Variants in RTN4RL2 observed in about 807,000 individuals in gnomAD.
RTN4RL2 encodes the protein reticulon-4 receptor-like 2.
RTN4RL2 carries 9 observed loss-of-function variants against 27.8 expected under a neutral mutation model. The observed-to-expected ratio is 0.32, with a 90% CI of 0.20 to 0.57. The LOEUF (loss-of-function observed/expected upper bound fraction) is 0.57, where lower values mean the gene tolerates loss of function less well. Ranked by LOEUF, RTN4RL2 falls within the 20% of genes least tolerant of loss-of-function variation. The pLI, the probability that RTN4RL2 is intolerant of heterozygous loss-of-function variation, is 0.90. For missense variants in RTN4RL2, 436 were observed against 596.8 expected (o/e 0.73, Z 2.81); for synonymous variants, 285 against 297.9 (o/e 0.96, Z 0.45).
chr11:57,465,222 G>A (rs916967632), intron 1 of RTN4RL2, among the ~76,000 whole-genome samples: 4 of 152,214 alleles, frequency 2.6e-5, no homozygotes, highest in East Asian at 1.9e-4. Context: ...AGTCCCATGC[G>A]TGCACACCTG....
At chr11:57,463,966 G>A (rs1056572879) in intron 1 of RTN4RL2, among the ~76,000 whole-genome samples, 38 of 152,166 alleles carry the variant, frequency 2.5e-4, no homozygotes, top group Admixed American at 1.7e-3. Context: ...AGTGAGAGCC[G>A]CTGCGTGAAT....
chr11:57,467,081 G>A lies in RTN4RL2; in HGVS notation c.32-528G>A, dbSNP rs1278262206. Among the ~76,000 whole-genome samples, 1 of 152,212 alleles carries A rather than the reference G, an allele frequency of 6.6e-6. No homozygotes were observed. Among genetic ancestry groups the A allele is most frequent in the South Asian group, 2.1e-4 (1 of 4,828 alleles). On this transcript the variant is annotated intron_variant, in intron 1 of 2. Coordinates refer to ENST00000335099, the MANE Select transcript of RTN4RL2 (RefSeq NM_178570.3). The surrounding 1 kb of genome is among the most constrained non-coding windows in gnomAD (Gnocchi z 5.5). ...CCAATTTGCAGTGCTTTCTACAATGGCCTTTTGGCATTATTTTTTAATATA... is the reference window on the plus strand; with the variant it reads ...CCAATTTGCAGTGCTTTCTACAATGACCTTTTGGCATTATTTTTTAATATA...
rs914920192 is a variant in RTN4RL2, at chr11:57,468,856, T to C, written c.513+766T>C. ...AAGGAATACCAGTAATTGTTATTCA[T>C]TGTTATTATTATTGATCTAATTATT... is the stretch of plus-strand genomic sequence containing the variant. On this transcript the variant is annotated intron_variant, in intron 2 of 2. Coordinates refer to ENST00000335099, the MANE Select transcript of RTN4RL2 (RefSeq NM_178570.3). The C allele has an allele frequency of 4.3e-5, 40 of 934,516 alleles. 1 individual carries two copies. Among genetic ancestry groups the C allele is most frequent in the Non-Finnish European group, 5.4e-5 (32 of 597,694 alleles). 57.9% of individuals were successfully genotyped at this position (934,516 alleles called of 1,614,324 possible).
chr11:57,462,251 G>A (rs1185889293), intron 1 of RTN4RL2, among the ~76,000 whole-genome samples: 2 of 152,094 alleles, frequency 1.3e-5, no homozygotes, highest in Non-Finnish European at 2.9e-5. Context: ...GAAGCTGTTT[G>A]CAGCAGCTCT....
chr11:57,460,728 C>T lies in RTN4RL2; in HGVS notation c.-138C>T, dbSNP rs1003961479. ...GCCCGGGCGGCGCAGGGTAGAGCGC[C>T]GCGGCCCGGCCACGCAGCCCGGGGA... On this transcript the variant is annotated 5_prime_UTR_variant, in exon 1 of 3. Coordinates refer to ENST00000335099, the MANE Select transcript of RTN4RL2 (RefSeq NM_178570.3). 8 of 384,852 alleles carry T rather than the reference C, an allele frequency of 2.1e-5. No individual in the cohort carries two copies. Among genetic ancestry groups the T allele is most frequent in the East Asian group, 4.0e-5 (1 of 24,870 alleles). 23.8% of individuals were successfully genotyped at this position (384,852 alleles called of 1,614,324 possible). A position where few individuals can be genotyped will look rare whatever the true frequency, so the allele number is the denominator to read the frequency against.
At chr11:57,464,030 G>T (rs1002494717) in intron 1 of RTN4RL2, among the ~76,000 whole-genome samples, 3 of 152,246 alleles carry the variant, frequency 2.0e-5, no homozygotes, top group Admixed American at 2.0e-4. Flanking sequence ...GCAAGGGCCA[G>T]AAATGGCAAC....
chr11:57,465,796 A>G (rs967511491), intron 1 of RTN4RL2, among the ~76,000 whole-genome samples: 1 of 151,614 alleles, frequency 6.6e-6, no homozygotes, highest in South Asian at 2.1e-4. Context: ...CTGCTTTTCC[A>G]TCAGTATCAT....
At position 57,462,170 on chromosome 11, in the gene RTN4RL2, G is replaced by A. The variant is rs548883530; in HGVS notation, c.31+1274G>A. 5.3e-5 allele frequency among the ~76,000 whole-genome samples: 8 copies of A among 152,216 alleles called. No homozygotes were observed. In the East Asian group the frequency reaches 1.5e-3, roughly 29 times the overall value. On this transcript the variant is annotated intron_variant, in intron 1 of 2. Coordinates refer to ENST00000335099, the MANE Select transcript of RTN4RL2 (RefSeq NM_178570.3). ...TGCCATTTATTTATCCGGCCTGGAC[G>A]TTGGATTCTGCAGCCGCTGCCGCCA...
chr11:57,460,898 TA>T lies in RTN4RL2; in HGVS notation c.31+4del. On this transcript the variant is annotated splice_donor_region_variant and intron_variant, in intron 1 of 2. Coordinates refer to ENST00000335099, the MANE Select transcript of RTN4RL2 (RefSeq NM_178570.3). Reference sequence around the variant, plus strand: ...CCGGGCTCAGGCGCCTGCTGCAAGGTAAGAACGCCAGCGGCGGGAGAGCGGA... The same window carrying T: ...CCGGGCTCAGGCGCCTGCTGCAAGGTAGAACGCCAGCGGCGGGAGAGCGGA... 1 of 1,393,672 alleles carries T rather than the reference TA, an allele frequency of 7.2e-7. No individual in the cohort carries two copies. Among genetic ancestry groups the T allele is most frequent in the Non-Finnish European group, 9.4e-7 (1 of 1,058,630 alleles). 86.3% of individuals were successfully genotyped at this position (1,393,672 alleles called of 1,614,324 possible).
chr11:57,468,937 C>T, intron 2 of RTN4RL2: 2 of 744,284 alleles, frequency 2.7e-6, no homozygotes, highest in Admixed American at 2.0e-5. Flanking sequence ...TCCATTTCCC[C>T]AGGAAGCAAT....
Position 57,476,627 on chromosome 11 carries a change from TCCTCCAA to T in RTN4RL2, c.982_988del (p.Ser328ThrfsTer194). ...GGGCAGCCGCGCCCGCGGCAACAGC[TCCTCCAA>T]CCACCTGTACGGGGTGGCCGAGGCC... On this transcript the variant is annotated frameshift_variant, in exon 3 of 3. Coordinates refer to ENST00000335099, the MANE Select transcript of RTN4RL2 (RefSeq NM_178570.3). LOFTEE classifies it high-confidence loss of function. This position sits in a 1 kb window ranked among gnomAD's most constrained non-coding sequence, Gnocchi z 8.2. 1 of 1,418,522 alleles carries T rather than the reference TCCTCCAA, an allele frequency of 7.0e-7. No homozygotes were observed. Among genetic ancestry groups the T allele is most frequent in the Non-Finnish European group, 9.1e-7 (1 of 1,094,730 alleles). 87.9% of individuals were successfully genotyped at this position (1,418,522 alleles called of 1,614,324 possible). A position where few individuals can be genotyped will look rare whatever the true frequency, so the allele number is the denominator to read the frequency against.
At chr11:57,465,094 A>G (rs1943512322) in intron 1 of RTN4RL2, among the ~76,000 whole-genome samples, 1 of 152,190 alleles carries the variant, frequency 6.6e-6, no homozygotes, top group Non-Finnish European at 1.5e-5. Context: ...GGTGGGGCCC[A>G]AAAGCGAGGA....
intron 2 of RTN4RL2, among the ~76,000 whole-genome samples, chr11:57,473,679 C>T (rs1475824711): frequency 2.6e-5 from 4 of 151,598 alleles, no homozygotes; most frequent in African/African-American, 7.3e-5. Context: ...GAGGAAGGAC[C>T]GGATTTGAAA....
intron 2 of RTN4RL2, among the ~76,000 whole-genome samples, chr11:57,470,177 T>C (rs184973445): frequency 1.0e-3 from 159 of 152,314 alleles, no homozygotes; most frequent in Admixed American, 3.6e-3. Flanking sequence ...TATATGACTT[T>C]GGACAAATTA....
chr11:57,466,235 G>C (rs567747024), intron 1 of RTN4RL2, among the ~76,000 whole-genome samples: 2 of 152,020 alleles, frequency 1.3e-5, no homozygotes, highest in African/African-American at 4.8e-5. Flanking sequence ...TCGATCTCCT[G>C]ACCTCGTGAT....
intron 1 of RTN4RL2, 152 bp downstream of exon 1, chr11:57,461,048 G>A: frequency 2.1e-6 from 1 of 465,566 alleles, no homozygotes; most frequent in Non-Finnish European, 3.6e-6. Flanking sequence ...CCCGCCGCCA[G>A]GGCTGTTCTC....
intron 2 of RTN4RL2, among the ~76,000 whole-genome samples, chr11:57,473,087 A>G (rs1161535653): frequency 6.6e-6 from 1 of 152,238 alleles, no homozygotes; most frequent in Non-Finnish European, 1.5e-5. Context: ...TAAGAGCTCA[A>G]TCAGTTACCT....
intron 1 of RTN4RL2, among the ~76,000 whole-genome samples, chr11:57,464,951 G>T (rs1943510678): frequency 6.6e-6 from 1 of 152,186 alleles, no homozygotes; most frequent in African/African-American, 2.4e-5. Flanking sequence ...AACAGCAGCC[G>T]CTGTGTCACT....
rs1169989025 is a variant in RTN4RL2, at chr11:57,476,013, C to G, written c.514-149C>G. The G allele has an allele frequency of 2.6e-6, 2 of 777,748 alleles. No homozygotes were observed. Among genetic ancestry groups the G allele is most frequent in the Non-Finnish European group, 4.2e-6 (2 of 478,440 alleles). The allele number at this position is 777,748 out of a possible 1,614,324, so 48.2% of individuals were successfully genotyped here. A position where few individuals can be genotyped will look rare whatever the true frequency, so the allele number is the denominator to read the frequency against. On this transcript the variant is annotated intron_variant, in intron 2 of 2. Coordinates refer to ENST00000335099, the MANE Select transcript of RTN4RL2 (RefSeq NM_178570.3). This position sits in a 1 kb window ranked among gnomAD's most constrained non-coding sequence, Gnocchi z 8.2. ...GCAAATAGGTTAGAGGAGGCAGAAT[C>G]CAAATCCAGGATGCTATGAATCAAA...
Sources: gnomAD v4.1 joint callset for allele counts (sites outside exome capture counted in the v4.1 genomes callset) on GRCh38, gnomAD v4.1.1 for gene constraint, Gnocchi (gnomAD v3.1) non-coding constraint, MANE v1.5 for transcripts, NCBI Gene and HGNC (gene_info 2026-07-23, HGNC 2026-07-21) for gene names.